The following VTI1A variants were observed in gnomAD, a reference collection of about 807,000 sequenced individuals.
The protein encoded by VTI1A is vesicle transport through interaction with t-SNAREs 1A.
A neutral mutation model predicts 34.9 loss-of-function variants in VTI1A; 22 were observed. The ratio of observed to expected loss-of-function variants is 0.63; its 90% CI spans 0.45 to 0.90. VTI1A has a LOEUF of 0.90. VTI1A is among the 40% of genes least tolerant of loss of function. VTI1A has a pLI of 0.00. For synonymous variants in VTI1A, 87 were observed against 97.3 expected, an observed-to-expected ratio of 0.89 and a Z score of 0.62; for missense variants, 268 against 275.6, an observed-to-expected ratio of 0.97 and a Z score of 0.20.
At chr10:112,734,618 C>T (rs1850388015) in intron 7 of VTI1A, among the ~76,000 whole-genome samples, 1 of 151,576 alleles carries the variant, frequency 6.6e-6, no homozygotes, top group Admixed American at 6.6e-5. Context: ...ATTTTAATAT[C>T]TAGCAGCAAC....
At chr10:112,757,020 T>C (rs953549688) in intron 7 of VTI1A, among the ~76,000 whole-genome samples, 2 of 148,708 alleles carry the variant, frequency 1.3e-5, no homozygotes, top group African/African-American at 2.5e-5. Context: ...CACTCCAGCC[T>C]GGGTGACAGA....
At chr10:112,552,921 T>C (rs1851413793) in intron 5 of VTI1A, among the ~76,000 whole-genome samples, 1 of 152,192 alleles carries the variant, frequency 6.6e-6, no homozygotes, top group Non-Finnish European at 1.5e-5. Flanking sequence ...TGGCCTCTGC[T>C]CAAATTAAAC....
chr10:112,686,432 T>G (rs1283689515), intron 7 of VTI1A, among the ~76,000 whole-genome samples: 1 of 152,156 alleles, frequency 6.6e-6, no homozygotes, highest in Non-Finnish European at 1.5e-5. Context: ...ATTTTTAAAA[T>G]TGCCCTAGAT....
intron 7 of VTI1A, among the ~76,000 whole-genome samples, chr10:112,739,552 T>C (rs780466943): frequency 5.9e-5 from 9 of 152,244 alleles, no homozygotes; most frequent in South Asian, 4.1e-4. Context: ...CCTCTTTTCA[T>C]TTACCATCAA....
At chr10:112,451,163 C>T (rs1430174791) in intron 1 of VTI1A, among the ~76,000 whole-genome samples, 1 of 152,170 alleles carries the variant, frequency 6.6e-6, no homozygotes, top group Admixed American at 6.5e-5. Flanking sequence ...CCTAGTTCTG[C>T]TACTTACTAG....
chr10:112,724,817 CTTT>C (rs1849956241), intron 7 of VTI1A, among the ~76,000 whole-genome samples: 1 of 151,192 alleles, frequency 6.6e-6, no homozygotes, highest in African/African-American at 2.4e-5. Flanking sequence ...AAACAAAAAC[CTTT>C]TTACAGAAAT....
At chr10:112,464,747 T>G in intron 3 of VTI1A, 90 bp downstream of exon 3, 1 of 1,107,898 alleles carries the variant, frequency 9.0e-7, no homozygotes, top group Admixed American at 2.1e-5. Flanking sequence ...CACAGTCTTT[T>G]GGGCTCATGT....
intron 7 of VTI1A, among the ~76,000 whole-genome samples, chr10:112,705,804 C>CAT (rs1224364006): frequency 6.6e-6 from 1 of 152,152 alleles, no homozygotes; most frequent in African/African-American, 2.4e-5. Context: ...GGAACCTTAA[C>CAT]ATTTGCCCAC....
intron 5 of VTI1A, among the ~76,000 whole-genome samples, chr10:112,618,508 T>TAGAGAGAG (rs1360598727): frequency 2.4e-3 from 74 of 31,270 alleles, no homozygotes; most frequent in Non-Finnish European, 3.3e-3. Context: ...TATATATATA[T>TAGAGAGAG]ATATATATAT....
At position 112,491,766 on chromosome 10, in the gene VTI1A, T is replaced by G. The variant is rs572463330; in HGVS notation, c.264+27109T>G. On this transcript the variant is annotated intron_variant, in intron 3 of 7. Coordinates refer to ENST00000393077, the MANE Select transcript of VTI1A (RefSeq NM_145206.4). The stretch of plus-strand genomic sequence containing the variant: ...GACTATCCATATTTCAAGGGCTCAG[T>G]CATCACATGTGGATGGTAACTACTG... Among the ~76,000 whole-genome samples the G allele has an allele frequency of 9.1e-4, 139 of 152,300 alleles. 1 individual carries two copies. The highest frequency in any genetic ancestry group is 3.3e-3 in the African/African-American group (137 of 41,576).
At chr10:112,791,833 C>CTTT (rs10664072) in intron 7 of VTI1A, among the ~76,000 whole-genome samples, 2,361 of 148,472 alleles carry the variant, frequency 0.016, 36 homozygotes, top group African/African-American at 0.044. Context: ...AACAATATAA[C>CTTT]TTTTTTTTTT....
At chr10:112,592,715 A>T (rs1364220583) in intron 5 of VTI1A, among the ~76,000 whole-genome samples, 1 of 152,242 alleles carries the variant, frequency 6.6e-6, no homozygotes, top group East Asian at 1.9e-4. Flanking sequence ...ACCTAAAAAA[A>T]TGGTTAGACA....
chr10:112,492,607 G>A (rs1848867155), intron 3 of VTI1A, among the ~76,000 whole-genome samples: 1 of 152,072 alleles, frequency 6.6e-6, no homozygotes, highest in African/African-American at 2.4e-5. Context: ...CCAACATGGT[G>A]AGACCCTGTC....
intron 7 of VTI1A, among the ~76,000 whole-genome samples, chr10:112,726,422 T>C (rs1850029885): frequency 6.6e-6 from 1 of 152,134 alleles, no homozygotes; most frequent in Non-Finnish European, 1.5e-5. Flanking sequence ...AGTAGACAAA[T>C]TTAGTCTTGT....
At chr10:112,539,498 G>T (rs1850779880) in intron 5 of VTI1A, among the ~76,000 whole-genome samples, 1 of 152,198 alleles carries the variant, frequency 6.6e-6, no homozygotes, top group Non-Finnish European at 1.5e-5. Flanking sequence ...TCATCCTGAG[G>T]TAATTGATAG....
intron 7 of VTI1A, among the ~76,000 whole-genome samples, chr10:112,687,528 C>T (rs538273568): frequency 9.9e-5 from 15 of 151,872 alleles, no homozygotes; most frequent in Middle Eastern, 3.4e-3. Flanking sequence ...CCACTGCGCC[C>T]GGCAACTTTT....
intron 5 of VTI1A, among the ~76,000 whole-genome samples, chr10:112,613,521 T>G (rs898669109): frequency 6.6e-6 from 1 of 152,208 alleles, no homozygotes; most frequent in African/African-American, 2.4e-5. Context: ...CTCGGCCTCT[T>G]TTTTTCTCTT....
At chr10:112,619,063 G>GTT (rs34173451) in intron 5 of VTI1A, among the ~76,000 whole-genome samples, 18,692 of 146,106 alleles carry the variant, frequency 0.13, 1,563 homozygotes, top group Non-Finnish European at 0.19. Context: ...AGTAAACACA[G>GTT]TTTTTTTTTT....
intron 5 of VTI1A, among the ~76,000 whole-genome samples, chr10:112,580,534 C>T (rs1843889786): frequency 6.6e-6 from 1 of 152,100 alleles, no homozygotes; most frequent in Non-Finnish European, 1.5e-5. Context: ...ACAGTTCTCC[C>T]CAGGATTGCT....
Sources: allele counts gnomAD v4.1 joint callset (sites outside exome capture counted in the v4.1 genomes callset), GRCh38; gene constraint gnomAD v4.1.1; transcripts MANE v1.5; gene names NCBI Gene and HGNC (gene_info 2026-07-23, HGNC 2026-07-21).